KLF5: variants seen among roughly 807,000 people sequenced by gnomAD.
KLF5 encodes the protein Krueppel-like factor 5.
A neutral mutation model predicts 36.9 loss-of-function variants in KLF5; 9 were observed. The ratio of observed to expected loss-of-function variants is 0.24; its 90% CI spans 0.15 to 0.43. KLF5 has a LOEUF of 0.43. Among genes scored for constraint, KLF5 ranks in the 20% least tolerant of loss-of-function variants. The pLI is 1.00. For synonymous variants in KLF5, 246 were observed against 241.7 expected (o/e 1.02, Z -0.17); for missense variants, 524 against 599.5 (o/e 0.87, Z 1.31).
In KLF5 at chr13:73,062,550, G is replaced by A; in HGVS notation, c.951G>A (p.Glu317=). 2 of 1,614,190 alleles carry A rather than the reference G, an allele frequency of 1.2e-6. No homozygotes were observed. The highest frequency in any genetic ancestry group is 1.7e-6 in the Non-Finnish European group (2 of 1,180,032). Residue 317 remains glutamate, a synonymous_variant, in exon 2 of 4, where the codon GAG becomes GAA. Coordinates refer to ENST00000377687, the MANE Select transcript of KLF5 (RefSeq NM_001730.5). ...CTGGAAGTCCAGATAGACAAGCAGA[G>A]ATGCTCCAGAATTTAACCCCACCTC... ...SEPGSPDRQA[E]MLQNLTPPPS... is the part of the protein sequence containing the mutation.
At chr13:73,059,785 G>GC in intron 1 of KLF5, 197 bp downstream of exon 1, 3 of 536,530 alleles carry the variant, frequency 5.6e-6, no homozygotes, top group Non-Finnish European at 7.1e-6. Flanking sequence ...GGGGGGGGGG[G>GC]CCGGGGGTGG....
rs1244291107 is a variant in KLF5, at chr13:73,059,571, C to T, written c.244C>T (p.Pro82Ser). The T allele has an allele frequency of 2.6e-6, 3 of 1,167,328 alleles. No homozygotes were observed. The highest frequency in any genetic ancestry group is 2.1e-6 in the Non-Finnish European group (2 of 949,942). 72.3% of individuals were successfully genotyped at this position (1,167,328 alleles called of 1,614,324 possible). A position where few individuals can be genotyped will look rare whatever the true frequency, so the allele number is the denominator to read the frequency against. The change falls in exon 1 of 4, where the codon CCA (proline) becomes TCA (serine). Residue 82 changes from proline to serine, a missense_variant. Pro to Ser is a moderately conservative substitution (Grantham distance 74, BLOSUM62 -1). Around this residue, in one of 4 missense-constraint regions of KLF5, gnomAD observed 454 missense variants for 458.1 expected, o/e 0.99. Coordinates refer to ENST00000377687, the MANE Select transcript of KLF5 (RefSeq NM_001730.5). The part of the protein sequence containing the change: ...QPPATGPRLP[P>S]EDLVQTRCEM... ...GCCCGCCACCGGCCCGCGGCTGCCT[C>T]CAGAGGACCTGGTCCAGGTAGGAAG... is the stretch of plus-strand genomic sequence containing the variant.
upstream of KLF5, among the ~76,000 whole-genome samples, chr13:73,055,677 CA>C (rs1303169224): frequency 2.0e-5 from 3 of 152,138 alleles, no homozygotes; most frequent in African/African-American, 7.2e-5. Flanking sequence ...CAGATTCTAA[CA>C]GGGGTGTGCA....
chr13:73,070,957 A>C (rs767677948), intron 3 of KLF5, among the ~76,000 whole-genome samples: 9 of 152,248 alleles, frequency 5.9e-5, no homozygotes, highest in Non-Finnish European at 1.3e-4. Flanking sequence ...TGACAGCCTC[A>C]CAAGAACCTT....
chr13:73,070,402 C>T (rs58151207), intron 3 of KLF5, among the ~76,000 whole-genome samples: 7,526 of 152,194 alleles, frequency 0.049, 631 homozygotes, highest in African/African-American at 0.17. Context: ...AACGTCAGTG[C>T]GAACTCCCAT....
chr13:73,058,740 C>G (rs903320652), upstream of KLF5: 9 of 152,500 alleles, frequency 5.9e-5, no homozygotes, highest in African/African-American at 2.2e-4. Context: ...CTACTTCCCT[C>G]CGCCCCCGGC....
rs1271881368 is a variant in KLF5 at position 73,062,637 on chromosome 13, C to T, written c.1038C>T (p.Thr346=). The change falls in exon 2 of 4, where the codon ACC becomes ACT. Residue 346 remains threonine, a synonymous_variant. Transcript: ENST00000377687. ...LAIHNPNLPT[T]LPVNSQNIQP... is the part of the protein sequence containing the mutation. ...TTCACAATCCAAATTTACCCACCAC[C>T]CTGCCAGTTAACTCACAAAACATCC... The T allele has an allele frequency of 1.9e-6, 3 of 1,614,050 alleles. No individual in the cohort carries two copies. The highest frequency in any genetic ancestry group is 2.7e-5 in the African/African-American group (2 of 74,930).
chr13:73,064,864 C>G lies in KLF5; in HGVS notation c.1195+981C>G, dbSNP rs1247634524. 1.1e-4 allele frequency among the ~76,000 whole-genome samples: 16 copies of G among 152,248 alleles called. No homozygotes were observed. In the East Asian group the frequency reaches 3.1e-3, roughly 29 times the overall value. Reference sequence around the variant, plus strand: ...ACCAGCACTTTTAAGAGCTTTTAAACTTTAAAATTATATCAGAAGCCATTT... The same window carrying G: ...ACCAGCACTTTTAAGAGCTTTTAAAGTTTAAAATTATATCAGAAGCCATTT... On this transcript the variant is annotated intron_variant, in intron 3 of 3. Coordinates refer to ENST00000377687, the MANE Select transcript of KLF5 (RefSeq NM_001730.5).
intron 1 of KLF5, chr13:73,059,809 G>A (rs1385544508): frequency 1.1e-6 from 1 of 886,658 alleles, no homozygotes; most frequent in Non-Finnish European, 1.4e-6. Flanking sequence ...GGATGGAGGG[G>A]AATCTGCCCC....
chr13:73,062,804 C>T (rs776670554), intron 2 of KLF5, 70 bp downstream of exon 2: 16 of 1,367,140 alleles, frequency 1.2e-5, no homozygotes, highest in Admixed American at 3.8e-5. Flanking sequence ...TGTGCGCGCG[C>T]GTGTGCGTGT....
At position 73,062,540 on chromosome 13, in the gene KLF5, G is replaced by T. The variant is rs1445086587; in HGVS notation, c.941G>T (p.Arg314Ile). Residue 314 changes from arginine (R) to isoleucine (I), a missense_variant, in exon 2 of 4, where the codon AGA becomes ATA. This residue lies in a region of KLF5 where 454 missense variants were observed against 458.1 expected (regional missense o/e 0.99). Transcript: ENST00000377687. ...PPSSEPGSPD[R>I]QAEMLQNLTP... ...AGCTCAGAGCCTGGAAGTCCAGATA[G>T]ACAAGCAGAGATGCTCCAGAATTTA... is the stretch of plus-strand genomic sequence containing the variant. 1 of 1,614,180 alleles carries T rather than the reference G, an allele frequency of 6.2e-7. No homozygotes were observed. The highest frequency in any genetic ancestry group is 1.1e-5 in the South Asian group (1 of 91,086).
At chr13:73,075,605 G>T (rs879737166) in intron 3 of KLF5, 103 bp from the exon 4 acceptor site, 29 of 985,952 alleles carry the variant, frequency 2.9e-5, no homozygotes, top group Non-Finnish European at 4.1e-5. Context: ...TCCTTCTTTC[G>T]CTTGGCCAAG....
In KLF5 at chr13:73,075,954, G is replaced by T. The variant is rs2044757609; in HGVS notation, c.*68G>T. The T allele has an allele frequency of 4.0e-6, 5 of 1,264,998 alleles. No individual in the cohort carries two copies. The highest frequency in any genetic ancestry group is 2.3e-5 in the South Asian group (1 of 43,792). 78.4% of individuals were successfully genotyped at this position (1,264,998 alleles called of 1,614,324 possible). Reference sequence around the variant, plus strand: ...AAATGACAGACCTAACTATTCCTGTGTAAAAACAACAAAAACAAACAAAAG... The same window carrying T: ...AAATGACAGACCTAACTATTCCTGTTTAAAAACAACAAAAACAAACAAAAG... On this transcript the variant is annotated 3_prime_UTR_variant, in exon 4 of 4. Coordinates refer to ENST00000377687, the MANE Select transcript of KLF5 (RefSeq NM_001730.5).
In KLF5 at chr13:73,059,580, C is replaced by T. The variant is rs1440682948; in HGVS notation, c.253C>T (p.Leu85=). 6.9e-6 allele frequency: 8 copies of T among 1,165,930 alleles called. No homozygotes were observed. In the East Asian group the frequency reaches 2.9e-4, roughly 43 times the overall value. The allele number at this position is 1,165,930 out of a possible 1,614,324, so 72.2% of individuals were successfully genotyped here. Residue 85 remains leucine, a synonymous_variant, in exon 1 of 4, where the codon CTG becomes TTG. Coordinates refer to ENST00000377687, the MANE Select transcript of KLF5 (RefSeq NM_001730.5). ...CGGCCCGCGGCTGCCTCCAGAGGACCTGGTCCAGGTAGGAAGAGCCGCTCC... is the reference window on the plus strand; with the variant it reads ...CGGCCCGCGGCTGCCTCCAGAGGACTTGGTCCAGGTAGGAAGAGCCGCTCC... ...ATGPRLPPED[L]VQTRCEMEKY... is the part of the protein sequence containing the mutation.
rs1188905018 is a variant in KLF5 at position 73,068,769 on chromosome 13, ATATTAAACATAGCTTTTGGTT to A, written c.1195+4888_1195+4908del. On this transcript the variant is annotated intron_variant, in intron 3 of 3. Coordinates refer to ENST00000377687, the MANE Select transcript of KLF5 (RefSeq NM_001730.5). ...GCTCCAAAGTCATTTTTCATGGAATATATTAAACATAGCTTTTGGTTTTAAAATCTCGATAATATTTGGCTG... is the reference window on the plus strand; with the variant it reads ...GCTCCAAAGTCATTTTTCATGGAATATTAAAATCTCGATAATATTTGGCTG... 2.0e-5 allele frequency among the ~76,000 whole-genome samples: 3 copies of A among 151,712 alleles called. No homozygotes were observed. In the East Asian group the frequency reaches 5.8e-4, roughly 30 times the overall value.
rs555441322 is a variant in KLF5 at position 73,062,749 on chromosome 13, C to G, written c.1135+15C>G. The G allele has an allele frequency of 6.2e-7, 1 of 1,606,404 alleles. No individual in the cohort carries two copies. Among genetic ancestry groups the G allele is most frequent in the South Asian group, 1.1e-5 (1 of 90,354 alleles). The stretch of plus-strand genomic sequence containing the variant: ...CGATTACCCTGGTATGTGCTCTTAC[C>G]TGGTTGAAGCATCAATAGATGTAGT... On this transcript the variant is annotated intron_variant, in intron 2 of 3. Coordinates refer to ENST00000377687, the MANE Select transcript of KLF5 (RefSeq NM_001730.5).
intron 2 of KLF5, among the ~76,000 whole-genome samples, chr13:73,063,259 A>G (rs1273312906): frequency 6.6e-6 from 1 of 152,196 alleles, no homozygotes; most frequent in African/African-American, 2.4e-5. Flanking sequence ...AATGGTTTTG[A>G]TGGCACGTGA....
At chr13:73,055,469 C>T (rs2044577693), upstream of KLF5, among the ~76,000 whole-genome samples, 1 of 152,118 alleles carries the variant, frequency 6.6e-6, no homozygotes, top group Non-Finnish European at 1.5e-5. Flanking sequence ...TCTCTCTTGT[C>T]TCGTAATCTT....
At chr13:73,069,572 G>T (rs1036610756) in intron 3 of KLF5, among the ~76,000 whole-genome samples, 1 of 151,116 alleles carries the variant, frequency 6.6e-6, no homozygotes, top group African/African-American at 2.4e-5. Context: ...TTTTTTTAAA[G>T]TAGTAGCTTA....
Sources: gnomAD v4.1 joint callset for allele counts (sites outside exome capture counted in the v4.1 genomes callset) on GRCh38, gnomAD v4.1.1 for gene constraint, gnomAD v4.1.1 regional missense constraint, MANE v1.5 for transcripts, NCBI Gene and HGNC (gene_info 2026-07-23, HGNC 2026-07-21) for gene names.